KCNH7: variants seen among roughly 807,000 people sequenced by gnomAD.
KCNH7 encodes voltage-gated inwardly rectifying potassium channel KCNH7.
KCNH7 carries 49 observed loss-of-function variants against 120.8 expected under a neutral mutation model. The ratio of observed to expected loss-of-function variants is 0.41; its 90% confidence interval spans 0.32 to 0.51. The LOEUF is 0.51. KCNH7 is among the 20% of genes least tolerant of loss of function. KCNH7 has a pLI of 0.38. For synonymous variants in KCNH7, 547 were observed against 516.1 expected (o/e 1.06, Z -0.81); for missense variants, 1,097 against 1,446.6 (o/e 0.76, Z 3.92).
intron 6 of KCNH7, among the ~76,000 whole-genome samples, chr2:162,471,145 G>T (rs1689510990): frequency 6.6e-6 from 1 of 151,568 alleles, no homozygotes; most frequent in Non-Finnish European, 1.5e-5. Flanking sequence ...GAAAACCAGA[G>T]ACCTTTGTTC....
intron 3 of KCNH7, among the ~76,000 whole-genome samples, chr2:162,532,761 T>A (rs1039841288): frequency 2.6e-5 from 4 of 151,898 alleles, no homozygotes; most frequent in Non-Finnish European, 5.9e-5. Flanking sequence ...AAGAAGTATA[T>A]ACACATTATC....
At chr2:162,421,890 G>C (rs1687717936) in intron 9 of KCNH7, among the ~76,000 whole-genome samples, 1 of 152,112 alleles carries the variant, frequency 6.6e-6, no homozygotes, top group African/African-American at 2.4e-5. Flanking sequence ...CAAAAAATGA[G>C]TGACATGTTT....
rs899879617 is a variant in KCNH7, at chr2:162,446,264, T to C, written c.1308A>G (p.Arg436=). The C allele has an allele frequency of 1.1e-5, 17 of 1,613,862 alleles. No homozygotes were observed. Among genetic ancestry groups the C allele is most frequent in the Non-Finnish European group, 1.4e-5 (17 of 1,179,916 alleles). The part of the protein sequence containing the change: ...PYSAAFLLND[R]EEQKRRECGY... ...CACATTCTCGTCTTTTCTGTTCTTC[T>C]CTGTCATTGAGGAGGAAGGCTGCAG... Residue 436 remains arginine, a synonymous_variant, in exon 7 of 16, where the codon AGA becomes AGG. Transcript: ENST00000332142.
At chr2:162,529,016 G>A (rs1691820215) in intron 3 of KCNH7, among the ~76,000 whole-genome samples, 2 of 151,840 alleles carry the variant, frequency 1.3e-5, no homozygotes, top group South Asian at 4.1e-4. Flanking sequence ...AGTTTTTGGT[G>A]GGATGAAATG....
At chr2:162,431,630 G>A (rs1287602479) in intron 8 of KCNH7, among the ~76,000 whole-genome samples, 1 of 151,862 alleles carries the variant, frequency 6.6e-6, no homozygotes, top group East Asian at 1.9e-4. Context: ...TTGGATTAAG[G>A]TGTATAGAAC....
intron 2 of KCNH7, among the ~76,000 whole-genome samples, chr2:162,822,567 G>A (rs572427143): frequency 6.6e-6 from 1 of 150,920 alleles, no homozygotes; most frequent in African/African-American, 2.5e-5. Context: ...CTTTCAAACA[G>A]GTAAGGAACT....
At chr2:162,495,456 G>T (rs1244947143) in intron 6 of KCNH7, among the ~76,000 whole-genome samples, 1 of 152,154 alleles carries the variant, frequency 6.6e-6, no homozygotes, top group Non-Finnish European at 1.5e-5. Context: ...TCTTATCTGA[G>T]ATTCCTTGTA....
At chr2:162,489,974 C>A (rs1660766845) in intron 6 of KCNH7, among the ~76,000 whole-genome samples, 1 of 152,130 alleles carries the variant, frequency 6.6e-6, no homozygotes, top group South Asian at 2.1e-4. Flanking sequence ...AAGATGAATT[C>A]AATATAGTTT....
intron 2 of KCNH7, among the ~76,000 whole-genome samples, chr2:162,806,197 T>C (rs1389408158): frequency 1.3e-5 from 2 of 152,130 alleles, no homozygotes; most frequent in Non-Finnish European, 2.9e-5. Flanking sequence ...AATTCATCCA[T>C]GTAACTGAAA....
At chr2:162,823,324 C>T (rs542712312) in intron 2 of KCNH7, among the ~76,000 whole-genome samples, 2 of 152,260 alleles carry the variant, frequency 1.3e-5, no homozygotes, top group East Asian at 3.9e-4. Flanking sequence ...GTTCAAACCA[C>T]ACTCTATTAT....
chr2:162,649,337 A>C (rs1409165752), intron 2 of KCNH7, among the ~76,000 whole-genome samples: 3 of 152,210 alleles, frequency 2.0e-5, no homozygotes, highest in Non-Finnish European at 2.9e-5. Context: ...TTAACTCTAC[A>C]CAAATGGTAA....
At chr2:162,528,039 G>A (rs947850198) in intron 3 of KCNH7, 1 of 151,928 alleles carries the variant, frequency 6.6e-6, no homozygotes, top group African/African-American at 2.4e-5. Flanking sequence ...CAAACACATT[G>A]CAAGGTGATG....
At chr2:162,637,472 A>C (rs1684002904) in intron 2 of KCNH7, among the ~76,000 whole-genome samples, 1 of 152,110 alleles carries the variant, frequency 6.6e-6, no homozygotes, top group African/African-American at 2.4e-5. Flanking sequence ...CTGATATATT[A>C]GTCAAAGGAT....
chr2:162,581,837 C>A (rs913863219), intron 2 of KCNH7, among the ~76,000 whole-genome samples: 1 of 151,944 alleles, frequency 6.6e-6, no homozygotes, highest in Non-Finnish European at 1.5e-5. Flanking sequence ...CTGCAATAAT[C>A]CAGAAAGATG....
chr2:162,412,948 T>C (rs1558932105), intron 9 of KCNH7, among the ~76,000 whole-genome samples: 1 of 152,150 alleles, frequency 6.6e-6, no homozygotes, highest in Non-Finnish European at 1.5e-5. Flanking sequence ...CAATCTGATC[T>C]TTGGTTTATT....
At chr2:162,666,662 T>TA (rs1001777986) in intron 2 of KCNH7, among the ~76,000 whole-genome samples, 19 of 152,114 alleles carry the variant, frequency 1.2e-4, no homozygotes, top group Non-Finnish European at 2.6e-4. Context: ...CTTTCCTCCT[T>TA]AAAAAACAAC....
intron 2 of KCNH7, among the ~76,000 whole-genome samples, chr2:162,650,557 C>T (rs949723145): frequency 6.6e-6 from 1 of 152,118 alleles, no homozygotes. Context: ...AAGTCTTATT[C>T]ATTCCTCGCC....
chr2:162,429,510 C>T (rs1431484345), intron 8 of KCNH7, among the ~76,000 whole-genome samples: 5 of 148,872 alleles, frequency 3.4e-5, no homozygotes, highest in African/African-American at 1.2e-4. Context: ...TTCTTGTAGA[C>T]TGCTCATGAA....
chr2:162,457,308 C>T (rs75062368), intron 6 of KCNH7, among the ~76,000 whole-genome samples: 1,593 of 151,854 alleles, frequency 0.01, 26 homozygotes, highest in African/African-American at 0.037. Context: ...TGAACTATTA[C>T]GAGGATTTTC....
Sources: gnomAD v4.1 joint callset for allele counts (sites outside exome capture counted in the v4.1 genomes callset) on GRCh38, gnomAD v4.1.1 for gene constraint, MANE v1.5 for transcripts, NCBI Gene and HGNC (gene_info 2026-07-23, HGNC 2026-07-21) for gene names.